Variants in KCND3 observed in about 807,000 individuals in gnomAD.
KCND3 encodes the protein A-type voltage-gated potassium channel KCND3.
Under a neutral mutation model 51.1 loss-of-function variants are expected in KCND3, and 9 were observed. The observed-to-expected ratio is 0.18, with a 90% confidence interval of 0.11 to 0.31. The LOEUF is 0.31. Among genes scored for constraint, KCND3 ranks in the 10% least tolerant of loss-of-function variants. KCND3 has a pLI of 1.00. For synonymous variants in KCND3, 349 were observed against 368.0 expected, an observed-to-expected ratio of 0.95 and a Z score of 0.59; for missense variants, 526 against 903.8, an observed-to-expected ratio of 0.58 and a Z score of 5.36.
intron 2 of KCND3, among the ~76,000 whole-genome samples, chr1:111,944,170 G>T (rs1057006384): frequency 1.3e-5 from 2 of 152,216 alleles, no homozygotes; most frequent in Admixed American, 1.3e-4. Flanking sequence ...TTGCAGGGGA[G>T]GTAGAGGGAA....
chr1:111,913,459 C>A (rs1018596975), intron 2 of KCND3, among the ~76,000 whole-genome samples: 1 of 152,140 alleles, frequency 6.6e-6, no homozygotes, highest in Non-Finnish European at 1.5e-5. Flanking sequence ...AAAGGCAGTG[C>A]CAGACTTACC....
At chr1:111,787,795 A>G (rs1413870187) in intron 2 of KCND3, among the ~76,000 whole-genome samples, 1 of 152,252 alleles carries the variant, frequency 6.6e-6, no homozygotes, top group Non-Finnish European at 1.5e-5. Context: ...AAGCACTTCT[A>G]CATATTTACC....
chr1:111,799,823 G>A (rs141441818), intron 2 of KCND3, among the ~76,000 whole-genome samples: 1 of 152,370 alleles, frequency 6.6e-6, no homozygotes, highest in African/African-American at 2.4e-5. Context: ...AGATGGAAGA[G>A]CAAATGCTAG....
chr1:111,841,312 G>A (rs993016453), intron 2 of KCND3, among the ~76,000 whole-genome samples: 13 of 152,152 alleles, frequency 8.5e-5, no homozygotes, highest in South Asian at 2.1e-4. Flanking sequence ...CTTTCTCTGC[G>A]CAGTTAGAAC....
intron 2 of KCND3, among the ~76,000 whole-genome samples, chr1:111,839,143 T>A (rs184962541): frequency 6.6e-6 from 1 of 152,360 alleles, no homozygotes. Flanking sequence ...TCTTGCTTTT[T>A]GAAAAAGCTG....
intron 2 of KCND3, among the ~76,000 whole-genome samples, chr1:111,867,352 C>G (rs1383848805): frequency 6.6e-6 from 1 of 152,166 alleles, no homozygotes; most frequent in Admixed American, 6.5e-5. Context: ...CCTTTAGAAG[C>G]TGAAGGGCTT....
At chr1:111,799,778 T>A (rs569661699) in intron 2 of KCND3, among the ~76,000 whole-genome samples, 1 of 152,312 alleles carries the variant, frequency 6.6e-6, no homozygotes, top group Non-Finnish European at 1.5e-5. Flanking sequence ...ACAGAGAGTG[T>A]GAGCAGACTG....
At chr1:111,845,434 G>T (rs1667501224) in intron 2 of KCND3, among the ~76,000 whole-genome samples, 1 of 152,142 alleles carries the variant, frequency 6.6e-6, no homozygotes, top group Non-Finnish European at 1.5e-5. Context: ...GCCAGACTTG[G>T]CATGTCCAGC....
chr1:111,811,939 G>A (rs1175158493), intron 2 of KCND3, among the ~76,000 whole-genome samples: 1 of 152,186 alleles, frequency 6.6e-6, no homozygotes, highest in African/African-American at 2.4e-5. Flanking sequence ...TCAAGAGTTA[G>A]GGACAGCGCA....
chr1:111,883,208 C>G (rs1342715173), intron 2 of KCND3, among the ~76,000 whole-genome samples: 2 of 152,246 alleles, frequency 1.3e-5, no homozygotes, highest in Admixed American at 1.3e-4. Flanking sequence ...ACGTGCCAGG[C>G]ACTGAGCCAA....
rs1274437701 is a variant in KCND3, at chr1:111,901,848, G to C, written c.1106+79773C>G. The stretch of plus-strand genomic sequence containing the variant: ...TCTCTCACCACGGTCCCCACCCCAA[G>C]GTTCCCAGGAATCTTGGAGCATCAG... On this transcript the variant is annotated intron_variant, in intron 2 of 7. Transcript: ENST00000302127. Among the ~76,000 whole-genome samples the C allele has an allele frequency of 3.9e-5, 6 of 152,176 alleles. No homozygotes were observed. In the South Asian group the frequency reaches 1.2e-3, roughly 32 times the overall value.
At chr1:111,820,473 T>C (rs1666293402) in intron 2 of KCND3, among the ~76,000 whole-genome samples, 1 of 152,246 alleles carries the variant, frequency 6.6e-6, no homozygotes, top group Non-Finnish European at 1.5e-5. Context: ...CATGCGCCTG[T>C]TGCCTTGAAT....
intron 2 of KCND3, among the ~76,000 whole-genome samples, chr1:111,815,824 C>T (rs1666062980): frequency 6.6e-6 from 1 of 152,032 alleles, no homozygotes; most frequent in African/African-American, 2.4e-5. Flanking sequence ...AAGCACTGCT[C>T]CTTAGAGAGG....
intron 2 of KCND3, among the ~76,000 whole-genome samples, chr1:111,820,380 C>T (rs190409910): frequency 1.3e-5 from 2 of 152,288 alleles, no homozygotes; most frequent in African/African-American, 2.4e-5. Context: ...TTTGCTTGAA[C>T]CTCTTCTATG....
chr1:111,982,758 C>G lies in KCND3; in HGVS notation c.-32G>C. On this transcript the variant is annotated 5_prime_UTR_variant, in exon 2 of 8. Transcript: ENST00000302127. This position sits in a 1 kb window ranked among gnomAD's most constrained non-coding sequence, Gnocchi z 8.5. ...TCCAGCTCTTGGGCCGGCAGCCGCG[C>G]GGACGCTAGGCACACCAGCTTGGAG... The G allele has an allele frequency of 1.9e-6, 3 of 1,583,736 alleles. No individual in the cohort carries two copies. The highest frequency in any genetic ancestry group is 2.6e-6 in the Non-Finnish European group (3 of 1,172,000).
At chr1:111,841,616 A>C (rs1667323741) in intron 2 of KCND3, among the ~76,000 whole-genome samples, 1 of 152,238 alleles carries the variant, frequency 6.6e-6, no homozygotes, top group African/African-American at 2.4e-5. Context: ...AACAAGGATA[A>C]TACTACTTAT....
At chr1:111,919,445 C>G (rs547912246) in intron 2 of KCND3, among the ~76,000 whole-genome samples, 5 of 151,856 alleles carry the variant, frequency 3.3e-5, no homozygotes, top group Non-Finnish European at 5.9e-5. Context: ...GTGGAGGAAG[C>G]AGAAGAAACA....
Position 111,892,214 on chromosome 1 carries a change from G to A in KCND3, c.1106+89407C>T, listed in dbSNP as rs527661041. Among the ~76,000 whole-genome samples, 59 of 152,284 alleles carry A rather than the reference G, an allele frequency of 3.9e-4. No homozygotes were observed. In the South Asian group the frequency reaches 7.9e-3, roughly 20 times the overall value. On this transcript the variant is annotated intron_variant, in intron 2 of 7. Transcript: ENST00000302127. Reference sequence around the variant, plus strand: ...AGAGCAACACAGGCTGAGGCCTGGCGGGGAAAGGGAGCATCCAAAGCTCGC... The same window carrying A: ...AGAGCAACACAGGCTGAGGCCTGGCAGGGAAAGGGAGCATCCAAAGCTCGC...
At chr1:111,789,425 A>T (rs2101504182) in intron 2 of KCND3, among the ~76,000 whole-genome samples, 1 of 152,366 alleles carries the variant, frequency 6.6e-6, no homozygotes, top group South Asian at 2.1e-4. Context: ...GCAAGTGTCC[A>T]GCTGAATTCA....
Sources: allele counts gnomAD v4.1 joint callset (sites outside exome capture counted in the v4.1 genomes callset), GRCh38; gene constraint gnomAD v4.1.1; non-coding constraint Gnocchi (gnomAD v3.1); transcripts MANE v1.5; gene names NCBI Gene and HGNC (gene_info 2026-07-23, HGNC 2026-07-21).